Variants in GALNT16 observed in about 807,000 individuals in gnomAD.
GALNT16 encodes the protein polypeptide N-acetylgalactosaminyltransferase 16.
Under a neutral mutation model 76.1 loss-of-function variants are expected in GALNT16, and 40 were observed. The observed-to-expected ratio is 0.53, with a 90% CI of 0.41 to 0.68. The LOEUF is 0.68. Ranked by LOEUF, GALNT16 falls within the 30% of genes least tolerant of loss-of-function variation. The pLI is 0.00. For missense variants in GALNT16, 621 were observed against 731.9 expected (o/e 0.85, Z 1.75); for synonymous variants, 276 against 285.2 (o/e 0.97, Z 0.32).
At chr14:69,264,671 G>C (rs2044316813) in intron 1 of GALNT16, among the ~76,000 whole-genome samples, 1 of 152,096 alleles carries the variant, frequency 6.6e-6, no homozygotes. Flanking sequence ...AACAGAAAGT[G>C]ATTTTGTATT....
intron 2 of GALNT16, among the ~76,000 whole-genome samples, chr14:69,324,195 T>C (rs1187494133): frequency 6.6e-6 from 1 of 151,924 alleles, no homozygotes; most frequent in East Asian, 1.9e-4. Flanking sequence ...TGTTGGGCAG[T>C]GACAGGGAGG....
At chr14:69,327,856 A>G (rs2045305369) in intron 5 of GALNT16, among the ~76,000 whole-genome samples, 1 of 152,236 alleles carries the variant, frequency 6.6e-6, no homozygotes, top group Admixed American at 6.5e-5. Context: ...ACAGAAGAAC[A>G]GAACCTGACA....
At chr14:69,327,376 A>G (rs2045299582) in intron 5 of GALNT16, among the ~76,000 whole-genome samples, 1 of 152,142 alleles carries the variant, frequency 6.6e-6, no homozygotes, top group Non-Finnish European at 1.5e-5. Flanking sequence ...GAAAGAAAGA[A>G]AGAAAGACCA....
chr14:69,369,527 C>T, the GALNT16 span, among the ~76,000 whole-genome samples: 1 of 152,048 alleles, frequency 6.6e-6, no homozygotes, highest in Non-Finnish European at 1.5e-5. Context: ...CCACTGTGAA[C>T]CACTGGCATG....
chr14:69,337,541 G>A (rs1275826514), intron 9 of GALNT16, among the ~76,000 whole-genome samples: 1 of 152,188 alleles, frequency 6.6e-6, no homozygotes, highest in Non-Finnish European at 1.5e-5. Flanking sequence ...CAGATCTTCG[G>A]CCCCCCAGGA....
chr14:69,362,211 C>T, the GALNT16 span, among the ~76,000 whole-genome samples: 1 of 152,220 alleles, frequency 6.6e-6, no homozygotes, highest in African/African-American at 2.4e-5. Flanking sequence ...TCCAGCATGG[C>T]CTGTTTTCTC....
chr14:69,333,700 C>T lies in GALNT16; in HGVS notation c.967+100C>T. 1.5e-6 allele frequency: 1 copy of T among 683,442 alleles called. No individual in the cohort carries two copies. Among genetic ancestry groups the T allele is most frequent in the Non-Finnish European group, 2.6e-6 (1 of 382,964 alleles). The allele number at this position is 683,442 out of a possible 1,614,324, so 42.3% of individuals were successfully genotyped here. On this transcript the variant is annotated intron_variant, in intron 9 of 14. Transcript: ENST00000448469. The surrounding 1 kb of genome is among the most constrained non-coding windows in gnomAD (Gnocchi z 4.2). ...TATGCGTGAGGACCTGCTCTAAGGACTTTACACACATGAGGTCATTTAATT... is the reference window on the plus strand; with the variant it reads ...TATGCGTGAGGACCTGCTCTAAGGATTTTACACACATGAGGTCATTTAATT...
chr14:69,271,319 T>C (rs1035360960), intron 1 of GALNT16, among the ~76,000 whole-genome samples: 1 of 152,030 alleles, frequency 6.6e-6, no homozygotes, highest in Non-Finnish European at 1.5e-5. Flanking sequence ...TCAAGACCTA[T>C]GGAACTTGGG....
chr14:69,295,414 CAAA>C (rs34081669), intron 1 of GALNT16, among the ~76,000 whole-genome samples: 14 of 101,702 alleles, frequency 1.4e-4, no homozygotes, highest in Admixed American at 2.1e-4. Context: ...GACTCTGTCT[CAAA>C]AAAAAAAAAA....
the GALNT16 span, among the ~76,000 whole-genome samples, chr14:69,372,350 A>G: frequency 1.3e-5 from 2 of 152,142 alleles, no homozygotes; most frequent in Admixed American, 6.5e-5. Context: ...GTCTGTTGAC[A>G]TAGAATCTTA....
intron 3 of GALNT16, 90 bp from the exon 4 acceptor site, chr14:69,325,247 C>A: frequency 1.2e-6 from 1 of 813,896 alleles, no homozygotes; most frequent in Non-Finnish European, 2.2e-6. Context: ...TGGAGCTGGG[C>A]GGCTGGGGAG....
intron 1 of GALNT16, among the ~76,000 whole-genome samples, chr14:69,297,259 G>A (rs558332206): frequency 3.9e-5 from 6 of 152,278 alleles, no homozygotes; most frequent in African/African-American, 1.4e-4. Flanking sequence ...CCCAGCAGAC[G>A]TATACACTCG....
the GALNT16 span, among the ~76,000 whole-genome samples, chr14:69,377,487 T>C: frequency 6.6e-6 from 1 of 152,188 alleles, no homozygotes; most frequent in East Asian, 1.9e-4. Flanking sequence ...ATCATTATGC[T>C]AACATATAAA....
rs1185967626 is a variant in GALNT16 at position 69,331,556 on chromosome 14, G to A, written c.778+5G>A. 2.6e-6 allele frequency: 4 copies of A among 1,562,256 alleles called. No individual in the cohort carries two copies. The African/African-American group carries it at 4.1e-5, about 16-fold the overall frequency. On this transcript the variant is annotated splice_donor_5th_base_variant and intron_variant, in intron 7 of 14. Coordinates refer to ENST00000448469, the MANE Select transcript of GALNT16 (RefSeq NM_001168368.2). ...CATCTGCTGACCTTCGTGGAGGTGA[G>A]TTCTGCTCCCGGGGGTGGGGCTGTA... is the stretch of plus-strand genomic sequence containing the variant.
chr14:69,378,604 G>C, the GALNT16 span, among the ~76,000 whole-genome samples: 2 of 152,268 alleles, frequency 1.3e-5, no homozygotes, highest in Middle Eastern at 6.8e-3. Flanking sequence ...TCCAGTTCTA[G>C]TCTTCCTTAA....
At chr14:69,323,218 C>T (rs370559161) in intron 2 of GALNT16, among the ~76,000 whole-genome samples, 36 of 152,250 alleles carry the variant, frequency 2.4e-4, no homozygotes, top group African/African-American at 3.1e-4. Flanking sequence ...TAAGACAGGC[C>T]GAGGAGGATC....
downstream of GALNT16, chr14:69,358,663 T>C (rs1407764865): frequency 1.3e-5 from 2 of 152,208 alleles, no homozygotes; most frequent in Admixed American, 6.6e-5. Context: ...CTCCGGGGGG[T>C]TCCCCCTCCT....
At chr14:69,292,422 C>G (rs1050513173) in intron 1 of GALNT16, among the ~76,000 whole-genome samples, 1 of 152,228 alleles carries the variant, frequency 6.6e-6, no homozygotes, top group Non-Finnish European at 1.5e-5. Flanking sequence ...AGGAGAGGAG[C>G]CTGAGGCCAA....
rs73290561 is a variant in GALNT16 at position 69,261,142 on chromosome 14, G to C, written c.177+675G>C. On this transcript the variant is annotated intron_variant, in intron 1 of 14. Transcript: ENST00000448469. This position sits in a 1 kb window ranked among gnomAD's most constrained non-coding sequence, Gnocchi z 6.4. ...TGGGCAGTGTCAGCGCCCGAACTTG[G>C]CGATACCCTTGCATGAAGTCAGCCT... is the stretch of plus-strand genomic sequence containing the variant. Among the ~76,000 whole-genome samples the C allele has an allele frequency of 0.075, 11,427 of 152,194 alleles. 485 individuals carry two copies. Among genetic ancestry groups the C allele is most frequent in the African/African-American group, 0.12 (4,882 of 41,530 alleles).
Sources: gnomAD v4.1 joint callset for allele counts (sites outside exome capture counted in the v4.1 genomes callset) on GRCh38, gnomAD v4.1.1 for gene constraint, Gnocchi (gnomAD v3.1) non-coding constraint, MANE v1.5 for transcripts, NCBI Gene and HGNC (gene_info 2026-07-23, HGNC 2026-07-21) for gene names.